ZNF609: variants seen among roughly 807,000 people sequenced by gnomAD.
ZNF609 encodes zinc finger protein 609.
A neutral mutation model predicts 109.5 loss-of-function variants in ZNF609; 11 were observed. The ratio of observed to expected loss-of-function variants is 0.10; its 90% CI spans 0.06 to 0.17. ZNF609 has a LOEUF of 0.17. Ranked by LOEUF, ZNF609 falls within the 10% of genes least tolerant of loss-of-function variation. The probability of loss-of-function intolerance (pLI) is 1.00; values close to 1 mark genes in which losing one functional copy is unlikely to be tolerated. For synonymous variants in ZNF609, 646 were observed against 662.0 expected (o/e 0.98, Z 0.37); for missense variants, 1,559 against 1,772.4 (o/e 0.88, Z 2.16).
intron 3 of ZNF609, among the ~76,000 whole-genome samples, chr15:64,644,989 C>T (rs961980246): frequency 2.0e-5 from 3 of 147,242 alleles, no homozygotes; most frequent in Non-Finnish European, 4.5e-5. Flanking sequence ...CTTTTTCTTT[C>T]TTTCTTTCTT....
intron 2 of ZNF609, among the ~76,000 whole-genome samples, chr15:64,588,243 C>G (rs953079012): frequency 4.1e-5 from 5 of 123,060 alleles, no homozygotes; most frequent in Non-Finnish European, 8.6e-5. Context: ...GGTGAAACCC[C>G]CGTCTCTACT....
At chr15:64,626,974 C>T (rs1027865185) in intron 3 of ZNF609, among the ~76,000 whole-genome samples, 6 of 151,916 alleles carry the variant, frequency 3.9e-5, no homozygotes, top group Non-Finnish European at 5.9e-5. Context: ...TGAGTATGTC[C>T]GAGGCGGGAG....
At chr15:64,597,325 T>TG (rs1266695698) in intron 2 of ZNF609, among the ~76,000 whole-genome samples, 1 of 152,068 alleles carries the variant, frequency 6.6e-6, no homozygotes, top group Non-Finnish European at 1.5e-5. Context: ...GAGAGACAAA[T>TG]GAGAGCAGCT....
Position 64,680,711 on chromosome 15 carries a change from C to T in ZNF609, c.4011C>T (p.Ser1337=), listed in dbSNP as rs757707065. ...GGCGVVGGGG[S]CSSVGGASGG... ...GTGGGGTGGTTGGGGGTGGTGGCAG[C>T]TGTAGCAGCGTCGGGGGAGCAAGTG... The change falls in exon 8 of 10, where the codon AGC becomes AGT. Residue 1337 remains serine (S), a synonymous_variant. Transcript: ENST00000326648. 1 of 1,612,196 alleles carries T rather than the reference C, an allele frequency of 6.2e-7. No individual in the cohort carries two copies. Among genetic ancestry groups the T allele is most frequent in the Admixed American group, 1.7e-5 (1 of 59,850 alleles).
Position 64,576,994 on chromosome 15 carries a change from A to G in ZNF609, c.748-45833A>G, listed in dbSNP as rs1433269821. Among the ~76,000 whole-genome samples, 5 of 132,946 alleles carry G rather than the reference A, an allele frequency of 3.8e-5. 2 individuals carry two copies. Among genetic ancestry groups the G allele is most frequent in the Non-Finnish European group, 6.4e-5 (4 of 62,986 alleles). The allele number at this position is 132,946 out of a possible 152,430, so 87.2% of individuals were successfully genotyped here. A position where few individuals can be genotyped will look rare whatever the true frequency, so the allele number is the denominator to read the frequency against. On this transcript the variant is annotated intron_variant, in intron 2 of 9. Coordinates refer to ENST00000326648, the MANE Select transcript of ZNF609 (RefSeq NM_015042.2). ...TAAATATATATATGTATGTATACACATAAATATATATATGTATGTATACAC... is the reference window on the plus strand; with the variant it reads ...TAAATATATATATGTATGTATACACGTAAATATATATATGTATGTATACAC...
chr15:64,617,055 G>T (rs941957954), intron 2 of ZNF609, among the ~76,000 whole-genome samples: 2 of 151,812 alleles, frequency 1.3e-5, no homozygotes, highest in Non-Finnish European at 2.9e-5. Context: ...TGATCCACCT[G>T]CCTCAGCCTC....
chr15:64,646,939 CAAAA>C (rs10628744), intron 3 of ZNF609, among the ~76,000 whole-genome samples: 4 of 59,776 alleles, frequency 6.7e-5, no homozygotes, highest in South Asian at 6.6e-4. Context: ...GACTCTGTCT[CAAAA>C]AAAAAAAAAA....
intron 2 of ZNF609, among the ~76,000 whole-genome samples, chr15:64,609,352 G>A (rs1003594196): frequency 6.6e-6 from 1 of 151,502 alleles, no homozygotes; most frequent in Non-Finnish European, 1.5e-5. Flanking sequence ...TTGTTTGTTT[G>A]TTTGTTTTTT....
At chr15:64,474,708 G>A (rs911322946) in intron 1 of ZNF609, among the ~76,000 whole-genome samples, 1 of 152,154 alleles carries the variant, frequency 6.6e-6, no homozygotes, top group Non-Finnish European at 1.5e-5. Context: ...AGTCTAGTGG[G>A]AGAGACAATT....
intron 2 of ZNF609, among the ~76,000 whole-genome samples, chr15:64,587,700 C>A (rs1294826095): frequency 6.6e-6 from 1 of 152,118 alleles, no homozygotes; most frequent in Non-Finnish European, 1.5e-5. Context: ...AGGGAATACC[C>A]TCCTTCATGA....
intron 3 of ZNF609, among the ~76,000 whole-genome samples, chr15:64,634,339 C>A (rs891003918): frequency 6.6e-6 from 1 of 152,148 alleles, no homozygotes; most frequent in Non-Finnish European, 1.5e-5. Context: ...GTTAGTCTGC[C>A]TGTGGTAGCT....
intron 3 of ZNF609, among the ~76,000 whole-genome samples, chr15:64,659,662 G>A (rs1302675956): frequency 2.8e-4 from 43 of 151,980 alleles, no homozygotes; most frequent in Non-Finnish European, 8.8e-5. Flanking sequence ...CCTTCAAAGG[G>A]ACATCTCTTT....
At chr15:64,489,536 T>C (rs1893381505) in intron 1 of ZNF609, among the ~76,000 whole-genome samples, 1 of 150,140 alleles carries the variant, frequency 6.7e-6, no homozygotes, top group African/African-American at 2.5e-5. Flanking sequence ...CACTTTTTTT[T>C]TTTTTTTTTT....
At chr15:64,471,032 T>C (rs1893083781) in intron 1 of ZNF609, among the ~76,000 whole-genome samples, 1 of 152,128 alleles carries the variant, frequency 6.6e-6, no homozygotes, top group Non-Finnish European at 1.5e-5. Flanking sequence ...CTTTGAACAT[T>C]GGAAATAATG....
intron 1 of ZNF609, among the ~76,000 whole-genome samples, chr15:64,497,886 A>AG (rs1893507113): frequency 7.1e-6 from 1 of 140,472 alleles, no homozygotes; most frequent in Admixed American, 7.6e-5. Context: ...GGGCAACAGA[A>AG]CAAGGCTCTG....
Position 64,652,388 on chromosome 15 carries a change from AT to A in ZNF609, c.974-17942del, listed in dbSNP as rs35371824. Among the ~76,000 whole-genome samples the A allele has an allele frequency of 3.9e-3, 538 of 136,420 alleles. 2 individuals are homozygous for A. Among genetic ancestry groups the A allele is most frequent in the African/African-American group, 0.013 (468 of 36,038 alleles). 89.5% of individuals were successfully genotyped at this position (136,420 alleles called of 152,430 possible). Reference sequence around the variant, plus strand: ...AGGCACACACCACCATGCCTGGCTAATTTTTTTTTTTTTTTTGAGACAGGGT... The same window carrying A: ...AGGCACACACCACCATGCCTGGCTAATTTTTTTTTTTTTTTGAGACAGGGT... On this transcript the variant is annotated intron_variant, in intron 3 of 9. Coordinates refer to ENST00000326648, the MANE Select transcript of ZNF609 (RefSeq NM_015042.2).
chr15:64,664,462 C>A lies in ZNF609; in HGVS notation c.974-5884C>A, dbSNP rs7177051. On this transcript the variant is annotated intron_variant, in intron 3 of 9. Coordinates refer to ENST00000326648, the MANE Select transcript of ZNF609 (RefSeq NM_015042.2). Reference sequence around the variant, plus strand: ...TGCTGTTTTTTAGCAGTATTATCCTCAAACATGCTGAGCCTTTCCTTATTT... The same window carrying A: ...TGCTGTTTTTTAGCAGTATTATCCTAAAACATGCTGAGCCTTTCCTTATTT... Among the ~76,000 whole-genome samples, 1,519 of 152,254 alleles carry A rather than the reference C, an allele frequency of 1.0e-2. 28 individuals are homozygous for A. Among genetic ancestry groups the A allele is most frequent in the African/African-American group, 0.035 (1,462 of 41,534 alleles).
chr15:64,614,479 T>G (rs1186918931), intron 2 of ZNF609, among the ~76,000 whole-genome samples: 1 of 150,952 alleles, frequency 6.6e-6, no homozygotes, highest in African/African-American at 2.4e-5. Context: ...TGTGATCGCC[T>G]GCCTCGGCCT....
At chr15:64,645,808 A>G (rs1896326645) in intron 3 of ZNF609, among the ~76,000 whole-genome samples, 1 of 152,202 alleles carries the variant, frequency 6.6e-6, no homozygotes, top group African/African-American at 2.4e-5. Context: ...TATAAGAGAA[A>G]TGAACATAAA....
Sources: allele counts gnomAD v4.1 joint callset (sites outside exome capture counted in the v4.1 genomes callset), GRCh38; gene constraint gnomAD v4.1.1; transcripts MANE v1.5; gene names NCBI Gene and HGNC (gene_info 2026-07-23, HGNC 2026-07-21).